Variants in SIPA1L2 observed in about 807,000 individuals in gnomAD.
SIPA1L2 encodes the protein signal induced proliferation associated 1 like 2.
A neutral mutation model predicts 163.9 loss-of-function variants in SIPA1L2; 56 were observed. The ratio of observed to expected loss-of-function variants is 0.34; its 90% CI spans 0.28 to 0.43. The LOEUF is 0.43. Ranked by LOEUF, SIPA1L2 falls within the 20% of genes least tolerant of loss-of-function variation. The pLI is 1.00. For missense variants in SIPA1L2, 1,974 were observed against 2,193.5 expected (o/e 0.90, Z 2.00); for synonymous variants, 877 against 865.7 (o/e 1.01, Z -0.23).
intron 17 of SIPA1L2, among the ~76,000 whole-genome samples, chr1:232,426,854 A>G (rs1661935413): frequency 1.3e-5 from 2 of 152,196 alleles, no homozygotes; most frequent in African/African-American, 4.8e-5. Context: ...TGAATTTTCA[A>G]CTACTTCCTT....
intron 1 of SIPA1L2, among the ~76,000 whole-genome samples, chr1:232,603,027 AAGAC>A (rs1270297588): frequency 6.6e-6 from 1 of 152,182 alleles, no homozygotes; most frequent in East Asian, 1.9e-4. Context: ...GGGGATAAAA[AAGAC>A]AGATTCGAAG....
At chr1:232,446,549 A>G (rs901078035) in intron 10 of SIPA1L2, among the ~76,000 whole-genome samples, 10 of 152,266 alleles carry the variant, frequency 6.6e-5, no homozygotes, top group African/African-American at 2.4e-4. Flanking sequence ...TAGAAAGAGA[A>G]AAGCTTCCTT....
chr1:232,441,662 C>A (rs927224944), intron 13 of SIPA1L2, 106 bp downstream of exon 13: 1 of 995,888 alleles, frequency 1.0e-6, no homozygotes, highest in Non-Finnish European at 1.5e-6. Flanking sequence ...ACTTGGTGCA[C>A]ATAGGTTGAA....
chr1:232,600,463 C>T (rs1296138125), intron 1 of SIPA1L2, among the ~76,000 whole-genome samples: 1 of 152,100 alleles, frequency 6.6e-6, no homozygotes. Context: ...AAGCCTTACC[C>T]GCTGAGAAAT....
chr1:232,496,358 A>C (rs367916192), intron 3 of SIPA1L2, among the ~76,000 whole-genome samples: 8 of 152,298 alleles, frequency 5.3e-5, no homozygotes, highest in African/African-American at 1.9e-4. Context: ...AGGTTTCTGT[A>C]AGCACACTCT....
At chr1:232,574,513 A>G (rs564764119) in intron 1 of SIPA1L2, among the ~76,000 whole-genome samples, 1 of 152,336 alleles carries the variant, frequency 6.6e-6, no homozygotes, top group South Asian at 2.1e-4. Context: ...AGTATAAAGC[A>G]ATATAATTCT....
At chr1:232,446,465 A>AAT (rs1459711728) in intron 10 of SIPA1L2, among the ~76,000 whole-genome samples, 2 of 152,156 alleles carry the variant, frequency 1.3e-5, no homozygotes, top group Non-Finnish European at 2.9e-5. Context: ...AACTCATCAA[A>AAT]ATGTATGCTT....
At chr1:232,482,518 C>T (rs1378653620) in intron 6 of SIPA1L2, among the ~76,000 whole-genome samples, 1 of 151,814 alleles carries the variant, frequency 6.6e-6, no homozygotes, top group African/African-American at 2.4e-5. Flanking sequence ...TTTTGGGTAC[C>T]ATGAATTATG....
intron 16 of SIPA1L2, 34 bp downstream of exon 16, chr1:232,432,213 A>T: frequency 6.3e-7 from 1 of 1,578,468 alleles, no homozygotes; most frequent in South Asian, 1.1e-5. Flanking sequence ...ACAGTGAAAA[A>T]TGCTGACCAG....
chr1:232,591,905 A>G (rs966004552), intron 1 of SIPA1L2, among the ~76,000 whole-genome samples: 6 of 152,188 alleles, frequency 3.9e-5, no homozygotes, highest in Admixed American at 3.9e-4. Flanking sequence ...TCTTGCTTAA[A>G]AAAATAAGAA....
intron 9 of SIPA1L2, among the ~76,000 whole-genome samples, chr1:232,461,960 T>C (rs978992813): frequency 4.6e-5 from 7 of 152,286 alleles, no homozygotes; most frequent in Non-Finnish European, 8.8e-5. Flanking sequence ...GATGGTGCTC[T>C]GGCAGGCAGC....
chr1:232,503,226 TA>T (rs1001757042), intron 3 of SIPA1L2, among the ~76,000 whole-genome samples: 2 of 151,794 alleles, frequency 1.3e-5, no homozygotes, highest in Non-Finnish European at 2.9e-5. Flanking sequence ...CAGGGCAAGA[TA>T]AAAAAAATCA....
intron 20 of SIPA1L2, 23 bp downstream of exon 20, chr1:232,404,102 A>G: frequency 1.9e-6 from 3 of 1,613,938 alleles, no homozygotes; most frequent in Non-Finnish European, 2.5e-6. Context: ...ATCAGGAGCC[A>G]ACGAGCAGCC....
chr1:232,449,726 C>T (rs1203239603), intron 10 of SIPA1L2, among the ~76,000 whole-genome samples: 1 of 151,966 alleles, frequency 6.6e-6, no homozygotes, highest in African/African-American at 2.4e-5. Context: ...AAAAAATGGT[C>T]CACATGAAAA....
chr1:232,573,000 C>T (rs1031264721), intron 2 of SIPA1L2, among the ~76,000 whole-genome samples: 5 of 151,682 alleles, frequency 3.3e-5, no homozygotes, highest in Admixed American at 2.6e-4. Flanking sequence ...AGGGTGGTCT[C>T]GAACTCCCCA....
In SIPA1L2 at chr1:232,571,246, C is replaced by T. The variant is rs569273980; in HGVS notation, c.-270+2928G>A. ...ATTTTTTAGAACATAAACACTAAAA[C>T]GATAAAACACTTTTTTTAACATTAA... On this transcript the variant is annotated intron_variant, in intron 2 of 22. Coordinates refer to ENST00000674635, the MANE Select transcript of SIPA1L2 (RefSeq NM_020808.5). 8.7e-4 allele frequency among the ~76,000 whole-genome samples: 132 copies of T among 152,138 alleles called. 1 individual carries two copies. Among genetic ancestry groups the T allele is most frequent in the Non-Finnish European group, 1.4e-3 (97 of 67,974 alleles).
At chr1:232,554,514 T>C (rs1455092146) in intron 2 of SIPA1L2, among the ~76,000 whole-genome samples, 1 of 152,236 alleles carries the variant, frequency 6.6e-6, no homozygotes, top group African/African-American at 2.4e-5. Flanking sequence ...CTAAAAATAG[T>C]TCCCTTTAGT....
rs1476039101 is a variant in SIPA1L2 at position 232,439,263 on chromosome 1, G to A, written c.3876C>T (p.Ser1292=). 2 of 1,613,982 alleles carry A rather than the reference G, an allele frequency of 1.2e-6. No individual in the cohort carries two copies. Among genetic ancestry groups the A allele is most frequent in the Non-Finnish European group, 1.7e-6 (2 of 1,180,066 alleles). Reference sequence around the variant, plus strand: ...CAGCATCAGCCCACTGCTCGGCCCGGCTGTGGATCAGGGACCTGCTGCCTG... The same window carrying A: ...CAGCATCAGCCCACTGCTCGGCCCGACTGTGGATCAGGGACCTGCTGCCTG... ...HLAGSRSLIH[S]RAEQWADAAD... The change falls in exon 15 of 23, where the codon AGC becomes AGT. Residue 1292 remains serine, a synonymous_variant. Transcript: ENST00000674635.
intron 15 of SIPA1L2, among the ~76,000 whole-genome samples, chr1:232,433,495 G>C (rs541749802): frequency 6.6e-6 from 1 of 152,264 alleles, no homozygotes; most frequent in South Asian, 2.1e-4. Flanking sequence ...CCTTAACCTG[G>C]TGGTAGTTAC....
Sources: allele counts gnomAD v4.1 joint callset (sites outside exome capture counted in the v4.1 genomes callset), GRCh38; gene constraint gnomAD v4.1.1; transcripts MANE v1.5; gene names NCBI Gene and HGNC (gene_info 2026-07-23, HGNC 2026-07-21).